The following RWDD4 variants were observed in gnomAD, a reference collection of about 807,000 sequenced individuals.
RWDD4 encodes the protein RWD domain-containing protein 4.
RWDD4 carries 16 observed loss-of-function variants against 30.0 expected under a neutral mutation model. The ratio of observed to expected loss-of-function variants is 0.53; its 90% CI spans 0.36 to 0.81. The LOEUF is 0.81. RWDD4 is among the 30% of genes least tolerant of loss of function. The pLI, the probability that RWDD4 is intolerant of heterozygous loss-of-function variation, is 0.00. For missense variants in RWDD4, 170 were observed against 223.9 expected (o/e 0.76, Z 1.54); for synonymous variants, 45 against 72.1 (o/e 0.62, Z 1.90).
At chr4:183,649,301 C>A in intron 5 of RWDD4, 150 bp downstream of exon 5, 1 of 522,602 alleles carries the variant, frequency 1.9e-6, no homozygotes, top group South Asian at 2.2e-5. Flanking sequence ...ATAATCCCAA[C>A]TACTCGGGAG....
intron 2 of RWDD4, among the ~76,000 whole-genome samples, chr4:183,652,426 G>A (rs115098744): frequency 0.012 from 1,802 of 144,314 alleles, 51 homozygotes; most frequent in African/African-American, 0.044. Context: ...AGCTGATCAC[G>A]GGGCGGTCAC....
chr4:183,641,511 T>G, intron 7 of RWDD4, 43 bp from the exon 8 acceptor site: 1 of 1,464,170 alleles, frequency 6.8e-7, no homozygotes. Flanking sequence ...TGGTATTTTC[T>G]GAGTTCACTA....
Position 183,658,976 on chromosome 4 carries a change from T to G in RWDD4, c.-24A>C. 1 of 1,272,412 alleles carries G rather than the reference T, an allele frequency of 7.9e-7. No homozygotes were observed. The highest frequency in any genetic ancestry group is 9.9e-7 in the Non-Finnish European group (1 of 1,010,114). 78.8% of individuals were successfully genotyped at this position (1,272,412 alleles called of 1,614,324 possible). The stretch of plus-strand genomic sequence containing the variant: ...ATCGCGCCGGTCGCGGGGCGCCTCC[T>G]GAGCGGACGGCGTTCGCAACAACGA... On this transcript the variant is annotated 5_prime_UTR_variant, in exon 1 of 8. Coordinates refer to ENST00000326397, the MANE Select transcript of RWDD4 (RefSeq NM_152682.4).
At chr4:183,654,069 T>C (rs1482988820) in intron 2 of RWDD4, among the ~76,000 whole-genome samples, 2 of 152,010 alleles carry the variant, frequency 1.3e-5, no homozygotes, top group African/African-American at 4.8e-5. Flanking sequence ...ATAATGGACC[T>C]GAGGTGAGAG....
chr4:183,643,654 A>G (rs962394142), intron 7 of RWDD4, among the ~76,000 whole-genome samples: 2 of 151,128 alleles, frequency 1.3e-5, no homozygotes, highest in Admixed American at 1.3e-4. Context: ...TGGTGGCTCA[A>G]GCCTGTAATC....
chr4:183,646,663 GA>G (rs1214763898), intron 5 of RWDD4, 126 bp from the exon 6 acceptor site: 7 of 766,518 alleles, frequency 9.1e-6, no homozygotes, highest in South Asian at 4.7e-5. Flanking sequence ...TACTAAGTTG[GA>G]AAAAGAGTTT....
intron 7 of RWDD4, among the ~76,000 whole-genome samples, 177 bp downstream of exon 7, chr4:183,646,174 G>A (rs1733962464): frequency 6.6e-6 from 1 of 152,072 alleles, no homozygotes; most frequent in South Asian, 2.1e-4. Context: ...AAAGTGCTGG[G>A]ATTACAGGTG....
rs150994467 is a variant in RWDD4, at chr4:183,654,910, ACT to A, written c.105+969_105+970del. Among the ~76,000 whole-genome samples, 803 of 151,864 alleles carry A rather than the reference ACT, an allele frequency of 5.3e-3. 7 individuals carry two copies. Among genetic ancestry groups the A allele is most frequent in the African/African-American group, 0.018 (760 of 41,360 alleles). The stretch of plus-strand genomic sequence containing the variant: ...TAACTGTAAATCTTTTACAAAAAAA[ACT>A]TCCCCATTCCGCTACTTATAATTAT... On this transcript the variant is annotated intron_variant, in intron 2 of 7. Coordinates refer to ENST00000326397, the MANE Select transcript of RWDD4 (RefSeq NM_152682.4).
At chr4:183,648,732 T>C (rs971987794) in intron 5 of RWDD4, among the ~76,000 whole-genome samples, 1 of 152,210 alleles carries the variant, frequency 6.6e-6, no homozygotes. Context: ...CATGTTTTTG[T>C]AGACTATTTA....
At chr4:183,652,987 G>A (rs1398498538) in intron 2 of RWDD4, among the ~76,000 whole-genome samples, 1 of 152,112 alleles carries the variant, frequency 6.6e-6, no homozygotes, top group Non-Finnish European at 1.5e-5. Context: ...GCCTCCCAAA[G>A]TGCTGGGATT....
chr4:183,650,881 GTCT>G, intron 4 of RWDD4, 100 bp downstream of exon 4: 7 of 1,174,598 alleles, frequency 6.0e-6, no homozygotes, highest in Non-Finnish European at 8.2e-6. Flanking sequence ...ACTTTAACAA[GTCT>G]TCTTCCGATT....
intron 1 of RWDD4, 25 bp downstream of exon 1, chr4:183,658,904 G>A: frequency 8.0e-7 from 1 of 1,254,060 alleles, no homozygotes; most frequent in Non-Finnish European, 1.0e-6. Flanking sequence ...CGCGCTGGGA[G>A]AGGGCCCTGA....
chr4:183,654,776 G>A (rs1180439849), intron 2 of RWDD4, among the ~76,000 whole-genome samples: 1 of 152,160 alleles, frequency 6.6e-6, no homozygotes, highest in Non-Finnish European at 1.5e-5. Flanking sequence ...TGTAAGGACT[G>A]TTAAGCTTGA....
rs1160603442 is a variant in RWDD4, at chr4:183,649,521, T to C, written c.411A>G (p.Pro137=). Residue 137 remains proline, a synonymous_variant, in exon 5 of 8, where the codon CCA becomes CCG. Coordinates refer to ENST00000326397, the MANE Select transcript of RWDD4 (RefSeq NM_152682.4). ...CTTTTTTGTCTTTTTTCTTACTTGA[T>C]GGGGCTGTATTAGGAGTTTCAATTG... ...IISIETPNTA[P]SSKKKDKKEQ... is the part of the protein sequence containing the mutation. The C allele has an allele frequency of 1.2e-6, 2 of 1,612,610 alleles. No homozygotes were observed. Among genetic ancestry groups the C allele is most frequent in the Non-Finnish European group, 1.7e-6 (2 of 1,178,826 alleles).
At chr4:183,658,304 A>G (rs1295001482) in intron 1 of RWDD4, among the ~76,000 whole-genome samples, 1 of 152,210 alleles carries the variant, frequency 6.6e-6, no homozygotes, top group Non-Finnish European at 1.5e-5. Flanking sequence ...TATCAAAGTT[A>G]GAAGGTTCCC....
At chr4:183,643,559 A>ACTACTGGCTT (rs575842908) in intron 7 of RWDD4, among the ~76,000 whole-genome samples, 3,450 of 151,932 alleles carry the variant, frequency 0.023, 66 homozygotes, top group Non-Finnish European at 0.038. Context: ...ACAGCTGGAA[A>ACTACTGGCTT]CTACTGGCTT....
chr4:183,651,883 G>A (rs1734083726), intron 2 of RWDD4, among the ~76,000 whole-genome samples: 1 of 152,172 alleles, frequency 6.6e-6, no homozygotes, highest in African/African-American at 2.4e-5. Flanking sequence ...CTTCCGCTCT[G>A]CTAACTTTTT....
chr4:183,651,294 T>C lies in RWDD4; in HGVS notation c.139A>G (p.Ile47Val), dbSNP rs764086447. The C allele has an allele frequency of 2.5e-6, 4 of 1,612,322 alleles. No homozygotes were observed. Among genetic ancestry groups the C allele is most frequent in the Non-Finnish European group, 3.4e-6 (4 of 1,179,856 alleles). ...TATGTTTCTGTCCAGGAAATCTCTATTAAGAAGGCTTTGGGATCACCATTT... is the reference window on the plus strand; with the variant it reads ...TATGTTTCTGTCCAGGAAATCTCTACTAAGAAGGCTTTGGGATCACCATTT... ...GENGDPKAFL[I>V]EISWTETYPQ... Residue 47 changes from isoleucine to valine, a missense_variant, in exon 3 of 8, where the codon ATA (isoleucine) becomes GTA (valine). By Grantham distance (29) the Ile-to-Val change is conservative. Transcript: ENST00000326397.
chr4:183,652,225 C>T (rs1233832752), intron 2 of RWDD4, among the ~76,000 whole-genome samples: 2 of 152,188 alleles, frequency 1.3e-5, no homozygotes, highest in Non-Finnish European at 2.9e-5. Context: ...ACTACCCAAT[C>T]ATATCTAAAG....
Sources: allele counts gnomAD v4.1 joint callset (sites outside exome capture counted in the v4.1 genomes callset), GRCh38; gene constraint gnomAD v4.1.1; transcripts MANE v1.5; gene names NCBI Gene and HGNC (gene_info 2026-07-23, HGNC 2026-07-21).